The following ZNF644 variants were observed in gnomAD, a reference collection of about 807,000 sequenced individuals.
The protein encoded by ZNF644 is zinc finger motif enhancer binding protein 2.
A neutral mutation model predicts 108.0 loss-of-function variants in ZNF644; 20 were observed. The observed-to-expected ratio is 0.19, with a 90% CI of 0.13 to 0.27. The LOEUF (loss-of-function observed/expected upper bound fraction) is 0.27. Ranked by LOEUF, ZNF644 falls within the 10% of genes least tolerant of loss-of-function variation. ZNF644 has a pLI of 1.00. For synonymous variants in ZNF644, 542 were observed against 539.1 expected, an observed-to-expected ratio of 1.01 and a Z score of -0.08; for missense variants, 1,338 against 1,548.9, an observed-to-expected ratio of 0.86 and a Z score of 2.29.
At chr1:90,999,790 C>A (rs973139046) in intron 1 of ZNF644, among the ~76,000 whole-genome samples, 1 of 152,112 alleles carries the variant, frequency 6.6e-6, no homozygotes, top group Admixed American at 6.5e-5. Flanking sequence ...ATTCAGAAGA[C>A]CCATCTCACG....
intron 4 of ZNF644, among the ~76,000 whole-genome samples, chr1:90,925,217 A>G (rs1649894765): frequency 6.6e-6 from 1 of 152,174 alleles, no homozygotes; most frequent in Non-Finnish European, 1.5e-5. Flanking sequence ...GGGGAGGGCA[A>G]TTGTTTAAAC....
chr1:90,943,542 T>C (rs1159936531), intron 2 of ZNF644, among the ~76,000 whole-genome samples: 1 of 152,212 alleles, frequency 6.6e-6, no homozygotes, highest in Non-Finnish European at 1.5e-5. Flanking sequence ...TTCCATAAAA[T>C]GTTATTTAAT....
chr1:90,958,232 TAAA>T (rs777224217), intron 2 of ZNF644, among the ~76,000 whole-genome samples: 17 of 41,398 alleles, frequency 4.1e-4, no homozygotes, highest in South Asian at 1.1e-3. Flanking sequence ...GCAAAACTCC[TAAA>T]AAAAAAAAAA....
rs1335466234 is a variant in ZNF644 at position 91,022,000 on chromosome 1, C to G, written c.-28G>C. 2 of 398,766 alleles carry G rather than the reference C, an allele frequency of 5.0e-6. No individual in the cohort carries two copies. Among genetic ancestry groups the G allele is most frequent in the Non-Finnish European group, 8.8e-6 (2 of 225,998 alleles). 24.7% of individuals were successfully genotyped at this position (398,766 alleles called of 1,614,324 possible). A position where few individuals can be genotyped will look rare whatever the true frequency, so the allele number is the denominator to read the frequency against. On this transcript the variant is annotated 5_prime_UTR_variant, in exon 1 of 6. Coordinates refer to ENST00000337393, the MANE Select transcript of ZNF644 (RefSeq NM_201269.3). ...ACCCCTGAAACTCACAGTTTGGTGC[C>G]GTGTGCGTCAAACCGGGGCGACGTT... is the stretch of plus-strand genomic sequence containing the variant.
intron 4 of ZNF644, among the ~76,000 whole-genome samples, chr1:90,933,236 A>T (rs1161221031): frequency 6.6e-6 from 1 of 152,180 alleles, no homozygotes; most frequent in Non-Finnish European, 1.5e-5. Flanking sequence ...TATTTGCATA[A>T]TCTGCTTGAA....
chr1:90,941,331 T>A (rs1281118282), intron 2 of ZNF644, 22 bp from the exon 3 acceptor site: 4 of 1,576,908 alleles, frequency 2.5e-6, no homozygotes, highest in African/African-American at 1.4e-5. Context: ...AAAAAAAAAA[T>A]TTAGATTTGC....
chr1:90,937,804 T>C lies in ZNF644; in HGVS notation c.3369A>G (p.Ile1123Met). ...GGCCATTACGGTATGCTTCAAGAGG[T>C]ATAACATTTTGAGATATAAAGTCAT... is the stretch of plus-strand genomic sequence containing the variant. ...SSDDFISQNV[I>M]PLEAYRNGLK... Residue 1123 changes from isoleucine to methionine, a missense_variant, in exon 4 of 6, where the codon ATA becomes ATG. Ile to Met is a conservative substitution (Grantham distance 10). Coordinates refer to ENST00000337393, the MANE Select transcript of ZNF644 (RefSeq NM_201269.3). 1 of 1,613,892 alleles carries C rather than the reference T, an allele frequency of 6.2e-7. No homozygotes were observed.
intron 2 of ZNF644, among the ~76,000 whole-genome samples, chr1:90,952,946 GA>G (rs978508725): frequency 2.9e-5 from 3 of 104,504 alleles, no homozygotes; most frequent in African/African-American, 7.3e-5. Context: ...AAGACAATGA[GA>G]AAAAAAATCT....
Position 90,972,066 on chromosome 1 carries a change from C to T in ZNF644, c.44+10244G>A, listed in dbSNP as rs192317177. ...ATCCAGAGGCAGAGGTTGCAGTGAA[C>T]CAAGTCATTACACCACTGCACTCCA... On this transcript the variant is annotated intron_variant, in intron 2 of 5. Transcript: ENST00000337393. Among the ~76,000 whole-genome samples, 4 of 152,154 alleles carry T rather than the reference C, an allele frequency of 2.6e-5. No homozygotes were observed. The East Asian group carries it at 7.8e-4, about 29-fold the overall frequency.
intron 4 of ZNF644, among the ~76,000 whole-genome samples, chr1:90,930,112 C>A (rs1035171713): frequency 6.6e-6 from 1 of 152,174 alleles, no homozygotes; most frequent in African/African-American, 2.4e-5. Flanking sequence ...CATGGAGAAA[C>A]CCCATCTCTA....
chr1:90,967,145 T>A (rs1012398711), intron 2 of ZNF644, among the ~76,000 whole-genome samples: 3 of 152,146 alleles, frequency 2.0e-5, no homozygotes, highest in Non-Finnish European at 4.4e-5. Flanking sequence ...TCTACTCCCA[T>A]CAGTTCTCAG....
At chr1:90,983,244 C>A (rs1235947159) in intron 1 of ZNF644, among the ~76,000 whole-genome samples, 7 of 152,066 alleles carry the variant, frequency 4.6e-5, no homozygotes, top group African/African-American at 1.4e-4. Flanking sequence ...GAACCACAGA[C>A]CTAGAATTTT....
At chr1:90,966,482 G>C (rs371599844) in intron 2 of ZNF644, among the ~76,000 whole-genome samples, 7 of 152,222 alleles carry the variant, frequency 4.6e-5, no homozygotes, top group African/African-American at 1.7e-4. Context: ...GGTGCGGGTG[G>C]CTCATGCCTG....
chr1:90,971,825 C>T (rs1655513273), intron 2 of ZNF644, among the ~76,000 whole-genome samples: 1 of 152,154 alleles, frequency 6.6e-6, no homozygotes, highest in African/African-American at 2.4e-5. Flanking sequence ...TGACTGCTCT[C>T]CCAAGTCTCA....
intron 1 of ZNF644, among the ~76,000 whole-genome samples, chr1:91,011,292 A>G (rs1408084834): frequency 6.6e-6 from 1 of 151,188 alleles, no homozygotes; most frequent in South Asian, 2.1e-4. Flanking sequence ...TTCTTTATAT[A>G]GAGTAAATAT....
intron 2 of ZNF644, among the ~76,000 whole-genome samples, chr1:90,947,071 A>G (rs1652593230): frequency 6.6e-6 from 1 of 152,230 alleles, no homozygotes; most frequent in African/African-American, 2.4e-5. Context: ...ATAACTTTAA[A>G]GACATGGCAA....
At chr1:91,001,751 T>C (rs1343453952) in intron 1 of ZNF644, among the ~76,000 whole-genome samples, 5 of 152,210 alleles carry the variant, frequency 3.3e-5, no homozygotes, top group Admixed American at 2.0e-4. Context: ...AAATTGTCCC[T>C]GTTTGCAGAT....
At chr1:90,932,585 G>C (rs1366963239) in intron 4 of ZNF644, among the ~76,000 whole-genome samples, 1 of 152,056 alleles carries the variant, frequency 6.6e-6, no homozygotes, top group African/African-American at 2.4e-5. Context: ...AGGGCCATAG[G>C]TTTTTAGGAA....
intron 1 of ZNF644, among the ~76,000 whole-genome samples, chr1:90,991,860 C>T (rs549816964): frequency 7.9e-5 from 12 of 152,124 alleles, no homozygotes; most frequent in Admixed American, 7.9e-4. Context: ...CCATGTCAAA[C>T]GATTTGTATG....
Sources: gnomAD v4.1 joint callset for allele counts (sites outside exome capture counted in the v4.1 genomes callset) on GRCh38, gnomAD v4.1.1 for gene constraint, MANE v1.5 for transcripts, NCBI Gene and HGNC (gene_info 2026-07-23, HGNC 2026-07-21) for gene names.